The following SLC6A9 variants were observed in gnomAD, a reference collection of about 807,000 sequenced individuals.
SLC6A9 encodes the protein solute carrier family 6 member 9.
In SLC6A9, 31 loss-of-function variants were observed where a neutral mutation model predicts 70.9. That is an observed-to-expected ratio of 0.44 (90% CI 0.33 to 0.59). The LOEUF (loss-of-function observed/expected upper bound fraction) is 0.59. Ranked by LOEUF, SLC6A9 falls within the 20% of genes least tolerant of loss-of-function variation. SLC6A9 has a pLI of 0.04. For missense variants in SLC6A9, 631 were observed against 845.2 expected (o/e 0.75, Z 3.14); for synonymous variants, 310 against 341.3 (o/e 0.91, Z 1.01).
Position 43,997,501 on chromosome 1 carries a change from G to A in SLC6A9, c.*44C>T, listed in dbSNP as rs2085905750. The A allele has an allele frequency of 6.4e-7, 1 of 1,560,250 alleles. No homozygotes were observed. Among genetic ancestry groups the A allele is most frequent in the African/African-American group, 1.4e-5 (1 of 73,538 alleles). ...CCTCTGCCTCACCAGTCTCTGCGGT[G>A]GGAGCACGGGGTGGGGGTGGGGCCA... On this transcript the variant is annotated 3_prime_UTR_variant, in exon 14 of 14. Coordinates refer to ENST00000372310, the MANE Select transcript of SLC6A9 (RefSeq NM_001024845.3). The surrounding 1 kb of genome is among the most constrained non-coding windows in gnomAD (Gnocchi z 4.4).
At chr1:44,001,782 C>T (rs1420796261) in intron 8 of SLC6A9, among the ~76,000 whole-genome samples, 155 bp from the exon 9 acceptor site, 1 of 152,092 alleles carries the variant, frequency 6.6e-6, no homozygotes, top group Admixed American at 6.6e-5. Context: ...GGATGGAGTG[C>T]AATGGCGCTA....
At position 44,008,359 on chromosome 1, in the gene SLC6A9, T is replaced by C; in HGVS notation, c.584A>G (p.Tyr195Cys). 1 of 1,614,042 alleles carries C rather than the reference T, an allele frequency of 6.2e-7. No homozygotes were observed. The highest frequency in any genetic ancestry group is 8.5e-7 in the Non-Finnish European group (1 of 1,179,944). Residue 195 changes from tyrosine to cysteine, a missense_variant, in exon 5 of 14, where the codon TAC becomes TGC. Physicochemically the swap from Tyr to Cys is radical, Grantham distance 194. Coordinates refer to ENST00000372310, the MANE Select transcript of SLC6A9 (RefSeq NM_001024845.3). ...GGTCCTGCAGGTGCCTCACCTCCAG[T>C]ACTCCTCGCTGGGGCTGGTCCTCTG... Reference protein sequence around the residue: ...SLQRTSPSEEYWRLYVLKLSD... With the variant: ...SLQRTSPSEECWRLYVLKLSD...
intron 2 of SLC6A9, among the ~76,000 whole-genome samples, chr1:44,012,935 G>A (rs1182120478): frequency 6.6e-6 from 1 of 152,192 alleles, no homozygotes; most frequent in East Asian, 1.9e-4. Context: ...CAGAGTCAAG[G>A]GCCCATTTTT....
intron 1 of SLC6A9, among the ~76,000 whole-genome samples, chr1:44,025,799 CAA>C (rs1319474277): frequency 1.1e-4 from 13 of 114,332 alleles, no homozygotes; most frequent in Middle Eastern, 4.7e-3. Flanking sequence ...GACTCCGTCT[CAA>C]AAAAAAAAAA....
At chr1:44,006,624 C>T (rs1345202678) in intron 5 of SLC6A9, among the ~76,000 whole-genome samples, 1 of 149,778 alleles carries the variant, frequency 6.7e-6, no homozygotes, top group African/African-American at 2.5e-5. Flanking sequence ...ATCATCTGTC[C>T]ATTCAGTTCC....
intron 2 of SLC6A9, among the ~76,000 whole-genome samples, chr1:44,023,173 C>G (rs762542853): frequency 2.0e-5 from 3 of 152,154 alleles, no homozygotes; most frequent in Non-Finnish European, 4.4e-5. Context: ...GAGGGACTGT[C>G]CATGCTCAGT....
intron 2 of SLC6A9, among the ~76,000 whole-genome samples, chr1:44,016,174 C>T (rs1427794872): frequency 1.3e-5 from 2 of 152,224 alleles, no homozygotes; most frequent in African/African-American, 2.4e-5. Context: ...CCTCGCTTCC[C>T]ACCCCAGACA....
rs1377270590 is a variant in SLC6A9, at chr1:44,000,858, T to C, written c.1445A>G (p.Asn482Ser). The C allele has an allele frequency of 3.1e-6, 5 of 1,608,868 alleles. No homozygotes were observed. In the East Asian group the frequency reaches 8.9e-5, roughly 29 times the overall value. The change falls in exon 12 of 14, where the codon AAC becomes AGC. Residue 482 changes from asparagine to serine, a missense_variant. Asn to Ser is a conservative substitution (Grantham distance 46, BLOSUM62 1). Transcript: ENST00000372310. ...VAIMYIYGHR[N>S]YFQDIQMMLG... ...CATCATCTGGATGTCCTGGAAGTAG[T>C]TCCGGTGCCCTGGAGAGATGGGGGG...
intron 2 of SLC6A9, chr1:44,017,331 T>C (rs2086785643): frequency 6.4e-6 from 9 of 1,402,690 alleles, no homozygotes; most frequent in Non-Finnish European, 8.3e-6. Flanking sequence ...GTGGGGTTTG[T>C]TGTGTTTTTC....
chr1:43,997,366 A>C lies in SLC6A9; in HGVS notation c.*179T>G, dbSNP rs201134884. 3.3e-6 allele frequency: 2 copies of C among 613,054 alleles called. No homozygotes were observed. Among genetic ancestry groups the C allele is most frequent in the Non-Finnish European group, 5.7e-6 (2 of 349,378 alleles). The allele number at this position is 613,054 out of a possible 1,614,324, so 38.0% of individuals were successfully genotyped here. ...CAGCTGCTATCTTGGCATCCAAAGG[A>C]CATGTAAACACTGGGGACATGAGCA... On this transcript the variant is annotated 3_prime_UTR_variant, in exon 14 of 14. Transcript: ENST00000372310. The surrounding 1 kb of genome is among the most constrained non-coding windows in gnomAD (Gnocchi z 4.4).
Position 44,022,713 on chromosome 1 carries a change from TCTTTCTTTC to T in SLC6A9, c.30+1526_30+1534del, listed in dbSNP as rs796840850. Among the ~76,000 whole-genome samples the T allele has an allele frequency of 0.011, 960 of 86,216 alleles. 18 individuals carry two copies. In the African/African-American group the frequency reaches 0.12, roughly 11 times the overall value. 56.6% of individuals were successfully genotyped at this position (86,216 alleles called of 152,430 possible). A position where few individuals can be genotyped will look rare whatever the true frequency, so the allele number is the denominator to read the frequency against. ...GTTTTTTAATTTTTCTTTCTTTCTT[TCTTTCTTTC>T]TTTTTTTTTTTTTTGAGACAGAGCC... On this transcript the variant is annotated intron_variant, in intron 2 of 13. Transcript: ENST00000372310.
At chr1:44,001,722 C>T (rs541289200) in intron 8 of SLC6A9, 95 bp from the exon 9 acceptor site, 2 of 902,032 alleles carry the variant, frequency 2.2e-6, no homozygotes, top group East Asian at 4.8e-5. Context: ...CAAAGGCACC[C>T]CCAACTCTTT....
chr1:44,025,014 A>G (rs1356385443), intron 1 of SLC6A9, among the ~76,000 whole-genome samples: 1 of 152,150 alleles, frequency 6.6e-6, no homozygotes, highest in African/African-American at 2.4e-5. Context: ...AAGAATGAAA[A>G]AGTTGCTTCC....
rs570696351 is a variant in SLC6A9, at chr1:44,003,071, C to A, written c.591-86G>T. On this transcript the variant is annotated intron_variant, in intron 5 of 13. Transcript: ENST00000372310. The stretch of plus-strand genomic sequence containing the variant: ...AGGCCCAGGGCCCACCCGGGCTGTA[C>A]CCTCCTTTGTCATGAGGTCCCAGCA... 4.6e-4 allele frequency: 689 copies of A among 1,510,174 alleles called. 4 individuals carry two copies. The African/African-American group carries it at 8.6e-3, about 19-fold the overall frequency. 93.5% of individuals were successfully genotyped at this position (1,510,174 alleles called of 1,614,324 possible).
rs759904567 is a variant in SLC6A9, at chr1:44,000,945, C to T, written c.1435+11G>A. 6 of 1,603,058 alleles carry T rather than the reference C, an allele frequency of 3.7e-6. No individual in the cohort carries two copies. The highest frequency in any genetic ancestry group is 2.7e-5 in the African/African-American group (2 of 74,686). ...GCCGGGTCGCGGGAGGCCGGAGGCT[C>T]GAGTGCTCACCGTAGATGTACATGA... On this transcript the variant is annotated intron_variant, in intron 11 of 13. Transcript: ENST00000372310.
Position 44,000,870 on chromosome 1 carries a change from G to T in SLC6A9, c.1436-3C>A. The T allele has an allele frequency of 6.2e-7, 1 of 1,603,918 alleles. No individual in the cohort carries two copies. ...GTCCTGGAAGTAGTTCCGGTGCCCTGGAGAGATGGGGGGTCAGCAGACCCG... is the reference window on the plus strand; with the variant it reads ...GTCCTGGAAGTAGTTCCGGTGCCCTTGAGAGATGGGGGGTCAGCAGACCCG... On this transcript the variant is annotated splice_polypyrimidine_tract_variant and splice_region_variant and intron_variant, in intron 11 of 13. Coordinates refer to ENST00000372310, the MANE Select transcript of SLC6A9 (RefSeq NM_001024845.3).
In SLC6A9 at chr1:43,997,636, C is replaced by A. The variant is rs200955940; in HGVS notation, c.1811G>T (p.Gly604Val). Reference sequence around the variant, plus strand: ...CGGGTGCAGTGGCTGGACCTCGAAGCCGTCCTCAGGAGAGGGGGCTATGGT... The same window carrying A: ...CGGGTGCAGTGGCTGGACCTCGAAGACGTCCTCAGGAGAGGGGGCTATGGT... ...APTIAPSPED[G>V]FEVQPLHPDK... Residue 604 changes from glycine (G) to valine (V), a missense_variant, in exon 14 of 14, where the codon GGC (glycine) becomes GTC (valine). Gly to Val is a moderately radical substitution (Grantham distance 109, BLOSUM62 -3). Coordinates refer to ENST00000372310, the MANE Select transcript of SLC6A9 (RefSeq NM_001024845.3). The surrounding 1 kb of genome is among the most constrained non-coding windows in gnomAD (Gnocchi z 4.4). The A allele has an allele frequency of 1.2e-4, 197 of 1,614,002 alleles. 1 individual carries two copies. The highest frequency in any genetic ancestry group is 1.1e-3 in the South Asian group (97 of 91,084).
chr1:44,024,249 A>C lies in SLC6A9; in HGVS notation c.29T>G (p.Leu10Arg). MVGKGAKGM[L>R]NGAVPSEATK... ...CCGCAGTCTGGCCTCTGTACTCACCAGCATCCCTTTGGCACCTTTTCCTAC... is the reference window on the plus strand; with the variant it reads ...CCGCAGTCTGGCCTCTGTACTCACCCGCATCCCTTTGGCACCTTTTCCTAC... The change falls in exon 2 of 14, where the codon CTG becomes CGG. Residue 10 changes from leucine to arginine, a missense_variant and splice_region_variant. Coordinates refer to ENST00000372310, the MANE Select transcript of SLC6A9 (RefSeq NM_001024845.3). 1 of 1,614,220 alleles carries C rather than the reference A, an allele frequency of 6.2e-7. No individual in the cohort carries two copies. The highest frequency in any genetic ancestry group is 8.5e-7 in the Non-Finnish European group (1 of 1,180,012).
chr1:44,020,872 GGCACCCA>G (rs1245366397), intron 2 of SLC6A9, among the ~76,000 whole-genome samples: 1 of 152,218 alleles, frequency 6.6e-6, no homozygotes, highest in African/African-American at 2.4e-5. Context: ...TGGACACTCT[GGCACCCA>G]GAACCCTAAT....
Sources: gnomAD v4.1 joint callset for allele counts (sites outside exome capture counted in the v4.1 genomes callset) on GRCh38, gnomAD v4.1.1 for gene constraint, Gnocchi (gnomAD v3.1) non-coding constraint, MANE v1.5 for transcripts, NCBI Gene and HGNC (gene_info 2026-07-23, HGNC 2026-07-21) for gene names.